CPQ: variants seen among roughly 807,000 people sequenced by gnomAD.
CPQ encodes Ser-Met dipeptidase.
Under a neutral mutation model 45.7 loss-of-function variants are expected in CPQ, and 37 were observed. The ratio of observed to expected loss-of-function variants is 0.81; its 90% CI spans 0.62 to 1.07. The LOEUF is 1.07. Among genes scored for constraint, CPQ ranks in the 50% least tolerant of loss-of-function variants. The pLI is 0.00. For missense variants in CPQ, 537 were observed against 572.9 expected (o/e 0.94, Z 0.64); for synonymous variants, 186 against 205.8 (o/e 0.90, Z 0.82).
At chr8:96,790,403 A>G (rs1208770149) in intron 2 of CPQ, among the ~76,000 whole-genome samples, 1 of 152,122 alleles carries the variant, frequency 6.6e-6, no homozygotes, top group Non-Finnish European at 1.5e-5. Context: ...TCAGAGTCTT[A>G]GTATTCTTGA....
intron 4 of CPQ, among the ~76,000 whole-genome samples, chr8:96,917,434 G>T (rs1323023207): frequency 3.3e-5 from 5 of 151,954 alleles, no homozygotes; most frequent in Non-Finnish European, 5.9e-5. Context: ...TACTCCCATT[G>T]TTGTGGGGTT....
chr8:97,119,464 G>A (rs1811660437), intron 7 of CPQ, among the ~76,000 whole-genome samples: 2 of 151,778 alleles, frequency 1.3e-5, no homozygotes, highest in African/African-American at 2.4e-5. Context: ...AAAATGGTGG[G>A]GGGGAATACA....
rs78326127 is a variant in CPQ at position 97,013,426 on chromosome 8, A to G, written c.962-15977A>G. Among the ~76,000 whole-genome samples, 41 of 152,328 alleles carry G rather than the reference A, an allele frequency of 2.7e-4. 1 individual carries two copies. In the East Asian group the frequency reaches 7.9e-3, roughly 29 times the overall value. ...TTCTGTTACACGTGGTAATACATAC[A>G]TTAACAAATACGTATAGGGCTCCTT... On this transcript the variant is annotated intron_variant, in intron 5 of 7. Transcript: ENST00000220763.
intron 7 of CPQ, among the ~76,000 whole-genome samples, chr8:97,075,595 A>G (rs1346582778): frequency 9.0e-6 from 1 of 110,682 alleles, no homozygotes; most frequent in Non-Finnish European, 2.1e-5. Flanking sequence ...TCTAAGAAAA[A>G]TATCTAAAAT....
At chr8:96,849,867 A>G (rs1191655680) in intron 3 of CPQ, among the ~76,000 whole-genome samples, 1 of 152,190 alleles carries the variant, frequency 6.6e-6, no homozygotes, top group Non-Finnish European at 1.5e-5. Flanking sequence ...TTAAATGTTC[A>G]AGCTGGATGA....
At chr8:96,871,568 G>T (rs1812068329) in intron 3 of CPQ, among the ~76,000 whole-genome samples, 2 of 139,790 alleles carry the variant, frequency 1.4e-5, no homozygotes, top group African/African-American at 5.4e-5. Flanking sequence ...AGCAGGCTGT[G>T]GCACATGTTT....
chr8:96,798,008 G>A (rs369330786), intron 2 of CPQ, among the ~76,000 whole-genome samples: 2 of 151,300 alleles, frequency 1.3e-5, no homozygotes, highest in African/African-American at 4.9e-5. Flanking sequence ...CCTAGATTGT[G>A]CCACTGCACT....
chr8:97,010,507 T>TTAGCACAGCGTCTGGCATAGTGTTAAG (rs1809469518), intron 5 of CPQ, among the ~76,000 whole-genome samples: 1 of 152,174 alleles, frequency 6.6e-6, no homozygotes, highest in Non-Finnish European at 1.5e-5. Context: ...TGGAAAGAAC[T>TTAGCACAGCGTCTGGCATAGTGTTAAG]TAGCACAGCG....
chr8:96,700,024 A>G (rs921714789), intron 1 of CPQ, among the ~76,000 whole-genome samples: 1 of 152,136 alleles, frequency 6.6e-6, no homozygotes, highest in African/African-American at 2.4e-5. Flanking sequence ...GGACTACTAG[A>G]CAAGAGCCTG....
At chr8:97,112,616 T>C (rs928274523) in intron 7 of CPQ, among the ~76,000 whole-genome samples, 2 of 152,232 alleles carry the variant, frequency 1.3e-5, no homozygotes, top group East Asian at 1.9e-4. Flanking sequence ...TAGGGACTTA[T>C]AGCAAAGGGG....
intron 7 of CPQ, chr8:97,132,941 G>C (rs950442232): frequency 6.6e-6 from 1 of 152,176 alleles, no homozygotes; most frequent in African/African-American, 2.4e-5. Flanking sequence ...ATATAAACAC[G>C]AGTACAATTC....
intron 6 of CPQ, among the ~76,000 whole-genome samples, chr8:97,045,346 C>T (rs1292390939): frequency 6.6e-6 from 1 of 152,246 alleles, no homozygotes; most frequent in East Asian, 1.9e-4. Flanking sequence ...CGGAAAAGCG[C>T]AGCATTAGAG....
At chr8:96,965,372 C>CTTTTT (rs5893403) in intron 4 of CPQ, among the ~76,000 whole-genome samples, 25 of 80,548 alleles carry the variant, frequency 3.1e-4, no homozygotes, top group African/African-American at 3.2e-4. Context: ...AATTTCTTTT[C>CTTTTT]TTTTTTTTTT....
chr8:96,762,066 A>G (rs1810412192), intron 1 of CPQ, among the ~76,000 whole-genome samples: 1 of 152,188 alleles, frequency 6.6e-6, no homozygotes, highest in Non-Finnish European at 1.5e-5. Context: ...CTATTATACC[A>G]TCACGTGCTG....
At chr8:96,704,947 T>C (rs569607774) in intron 1 of CPQ, among the ~76,000 whole-genome samples, 1 of 152,252 alleles carries the variant, frequency 6.6e-6, no homozygotes, top group Admixed American at 6.5e-5. Context: ...ATACACTCAT[T>C]TGAGTGACAA....
At chr8:97,034,712 T>C (rs79527844) in intron 6 of CPQ, among the ~76,000 whole-genome samples, 3,139 of 152,234 alleles carry the variant, frequency 0.021, 100 homozygotes, top group African/African-American at 0.067. Flanking sequence ...AATCAACTTC[T>C]GACTCTACCA....
intron 4 of CPQ, among the ~76,000 whole-genome samples, chr8:96,949,598 C>T (rs1249499681): frequency 6.6e-6 from 1 of 152,112 alleles, no homozygotes; most frequent in Non-Finnish European, 1.5e-5. Flanking sequence ...TCTTTGTCAA[C>T]TTTTCCCTCA....
At chr8:97,095,933 T>C (rs951019706) in intron 7 of CPQ, among the ~76,000 whole-genome samples, 1 of 152,196 alleles carries the variant, frequency 6.6e-6, no homozygotes, top group Non-Finnish European at 1.5e-5. Flanking sequence ...CACCAAATTC[T>C]GAATTTTACT....
At chr8:96,726,955 A>G (rs1462949791) in intron 1 of CPQ, among the ~76,000 whole-genome samples, 1 of 152,126 alleles carries the variant, frequency 6.6e-6, no homozygotes, top group African/African-American at 2.4e-5. Flanking sequence ...TAAATTACCC[A>G]GTTTCAGGTT....
Sources: gnomAD v4.1 joint callset for allele counts (sites outside exome capture counted in the v4.1 genomes callset) on GRCh38, gnomAD v4.1.1 for gene constraint, MANE v1.5 for transcripts, NCBI Gene and HGNC (gene_info 2026-07-23, HGNC 2026-07-21) for gene names.